NELL1: variants seen among roughly 807,000 people sequenced by gnomAD.
NELL1 encodes the protein neural EGFL like 1, also known as protein kinase C-binding protein NELL1.
In NELL1, 76 loss-of-function variants were observed where a neutral mutation model predicts 107.4. That is an observed-to-expected ratio of 0.71 (90% CI 0.59 to 0.86). The LOEUF (loss-of-function observed/expected upper bound fraction) is 0.86, where lower values mean the gene tolerates loss of function less well. NELL1 is among the 40% of genes least tolerant of loss of function. NELL1 has a pLI of 0.00. For missense variants in NELL1, 1,024 were observed against 1,005.5 expected, an observed-to-expected ratio of 1.02 and a Z score of -0.25; for synonymous variants, 353 against 341.2, an observed-to-expected ratio of 1.03 and a Z score of -0.38.
At chr11:21,564,302 A>T (rs1291470522) in intron 17 of NELL1, among the ~76,000 whole-genome samples, 1 of 151,982 alleles carries the variant, frequency 6.6e-6, no homozygotes, top group Non-Finnish European at 1.5e-5. Context: ...AAAATGCAGA[A>T]GTGAAAAATG....
At chr11:21,008,911 G>A (rs10500887) in intron 12 of NELL1, among the ~76,000 whole-genome samples, 4,568 of 152,174 alleles carry the variant, frequency 0.03, 374 homozygotes, top group East Asian at 0.23. Flanking sequence ...AAATACTGTT[G>A]GTTTCGAGGT....
intron 15 of NELL1, among the ~76,000 whole-genome samples, chr11:21,396,536 G>A (rs1544266): frequency 0.68 from 102,734 of 151,382 alleles, 35,303 homozygotes; most frequent in South Asian, 0.78. Context: ...CGTTTGTCAC[G>A]TCAATGGTTT....
intron 13 of NELL1, among the ~76,000 whole-genome samples, chr11:21,114,424 G>A (rs995926199): frequency 3.3e-5 from 5 of 151,984 alleles, no homozygotes; most frequent in African/African-American, 1.2e-4. Context: ...TAAGAAAAGG[G>A]TCCCTTGAAC....
chr11:21,404,202 G>T (rs1336275214), intron 15 of NELL1, among the ~76,000 whole-genome samples: 1 of 151,854 alleles, frequency 6.6e-6, no homozygotes, highest in Non-Finnish European at 1.5e-5. Context: ...AAGGAAGATT[G>T]CAAACAATAT....
intron 12 of NELL1, among the ~76,000 whole-genome samples, chr11:21,089,744 C>T (rs781084171): frequency 2.6e-5 from 4 of 152,110 alleles, no homozygotes; most frequent in East Asian, 1.9e-4. Flanking sequence ...GATTTTAGGA[C>T]GCAGAGGAGA....
chr11:21,564,328 T>C (rs941153682), intron 17 of NELL1, among the ~76,000 whole-genome samples: 6 of 151,952 alleles, frequency 3.9e-5, no homozygotes, highest in Non-Finnish European at 2.9e-5. Context: ...TGATGACTGA[T>C]GATGCTAGAG....
intron 12 of NELL1, among the ~76,000 whole-genome samples, chr11:21,039,746 G>A (rs1853183041): frequency 6.6e-6 from 1 of 152,148 alleles, no homozygotes; most frequent in African/African-American, 2.4e-5. Context: ...GGAACTAACA[G>A]AGAGAAAAAT....
intron 1 of NELL1, among the ~76,000 whole-genome samples, chr11:20,674,313 T>G (rs1477265040): frequency 6.6e-6 from 1 of 152,056 alleles, no homozygotes; most frequent in Non-Finnish European, 1.5e-5. Flanking sequence ...GCTGGAGTGG[T>G]CTGGAGAACT....
intron 4 of NELL1, among the ~76,000 whole-genome samples, chr11:20,861,540 C>T (rs1046271216): frequency 6.6e-6 from 1 of 152,152 alleles, no homozygotes; most frequent in Non-Finnish European, 1.5e-5. Context: ...GCCAAGAGCC[C>T]CTGCCCTTGA....
chr11:21,323,855 C>T (rs1255875983), intron 14 of NELL1, among the ~76,000 whole-genome samples: 5 of 152,082 alleles, frequency 3.3e-5, no homozygotes, highest in Non-Finnish European at 5.9e-5. Flanking sequence ...GAAGGCATAA[C>T]GCTCCCTCAC....
chr11:20,900,852 G>A (rs983428772), intron 5 of NELL1, among the ~76,000 whole-genome samples: 4 of 151,948 alleles, frequency 2.6e-5, no homozygotes, highest in Non-Finnish European at 4.4e-5. Context: ...TAATGAAATT[G>A]ACTACATTAA....
intron 16 of NELL1, among the ~76,000 whole-genome samples, chr11:21,556,235 G>A (rs1397872129): frequency 6.6e-6 from 1 of 151,900 alleles, no homozygotes; most frequent in Non-Finnish European, 1.5e-5. Context: ...CACACACACA[G>A]CTGTATATTC....
At chr11:21,521,727 A>G (rs1855731005) in intron 15 of NELL1, among the ~76,000 whole-genome samples, 1 of 152,158 alleles carries the variant, frequency 6.6e-6, no homozygotes, top group African/African-American at 2.4e-5. Flanking sequence ...TCCCATCAAC[A>G]GTGTATAAGT....
intron 14 of NELL1, among the ~76,000 whole-genome samples, chr11:21,355,427 A>G (rs1484415673): frequency 2.0e-5 from 3 of 152,216 alleles, no homozygotes; most frequent in Non-Finnish European, 1.5e-5. Flanking sequence ...ATTTAATTCC[A>G]GTTTTACCAG....
At chr11:21,494,429 G>A (rs958140789) in intron 15 of NELL1, among the ~76,000 whole-genome samples, 1 of 151,806 alleles carries the variant, frequency 6.6e-6, no homozygotes, top group Non-Finnish European at 1.5e-5. Context: ...TATCCTTGGA[G>A]GCAAAATTTT....
intron 2 of NELL1, among the ~76,000 whole-genome samples, chr11:20,728,114 G>A (rs1855550418): frequency 6.6e-6 from 1 of 152,074 alleles, no homozygotes; most frequent in Non-Finnish European, 1.5e-5. Flanking sequence ...TTTTCGAGGA[G>A]TGTTTGTTCA....
chr11:21,093,215 T>G (rs937191020), intron 12 of NELL1, among the ~76,000 whole-genome samples: 1 of 152,168 alleles, frequency 6.6e-6, no homozygotes, highest in Non-Finnish European at 1.5e-5. Flanking sequence ...TGTGTGAACT[T>G]GGGGAAACAT....
intron 15 of NELL1, among the ~76,000 whole-genome samples, chr11:21,371,420 A>G (rs1851355967): frequency 6.6e-6 from 1 of 152,110 alleles, no homozygotes; most frequent in African/African-American, 2.4e-5. Flanking sequence ...ATATTGGTTT[A>G]TTAGGAACAT....
At chr11:21,537,338 T>G (rs992200605) in intron 16 of NELL1, among the ~76,000 whole-genome samples, 1 of 152,174 alleles carries the variant, frequency 6.6e-6, no homozygotes, top group Admixed American at 6.5e-5. Flanking sequence ...CCTGCCTGCT[T>G]CTTGGACTCA....
Sources: gnomAD v4.1 joint callset for allele counts (sites outside exome capture counted in the v4.1 genomes callset) on GRCh38, gnomAD v4.1.1 for gene constraint, MANE v1.5 for transcripts, NCBI Gene and HGNC (gene_info 2026-07-23, HGNC 2026-07-21) for gene names.